Variants in RABGAP1L observed in about 807,000 individuals in gnomAD.
RABGAP1L encodes the protein rab GTPase-activating protein 1-like.
In RABGAP1L, 63 loss-of-function variants were observed where a neutral mutation model predicts 137.7. The observed-to-expected ratio is 0.46, with a 90% CI of 0.37 to 0.56. The LOEUF (loss-of-function observed/expected upper bound fraction) is 0.56, where lower values mean the gene tolerates loss of function less well. Ranked by LOEUF, RABGAP1L falls within the 20% of genes least tolerant of loss-of-function variation. The pLI, the probability that RABGAP1L is intolerant of heterozygous loss-of-function variation, is 0.00. For synonymous variants in RABGAP1L, 431 were observed against 433.7 expected (o/e 0.99, Z 0.08); for missense variants, 1,095 against 1,244.0 (o/e 0.88, Z 1.80).
chr1:174,946,380 C>A (rs1260824843), intron 19 of RABGAP1L, among the ~76,000 whole-genome samples: 1 of 152,160 alleles, frequency 6.6e-6, no homozygotes, highest in Non-Finnish European at 1.5e-5. Flanking sequence ...GGGCATGTTC[C>A]TGTAGTCCCA....
intron 13 of RABGAP1L, among the ~76,000 whole-genome samples, chr1:174,400,319 AG>A (rs1426119987): frequency 1.3e-5 from 2 of 152,068 alleles, no homozygotes; most frequent in Non-Finnish European, 2.9e-5. Flanking sequence ...GCTTCAGAGG[AG>A]GGGGCTATCA....
At chr1:174,447,893 C>T (rs1450150895) in intron 13 of RABGAP1L, among the ~76,000 whole-genome samples, 3 of 121,118 alleles carry the variant, frequency 2.5e-5, no homozygotes, top group Non-Finnish European at 5.2e-5. Flanking sequence ...CCTTACCGCC[C>T]CCCCCCCACC....
chr1:174,336,893 G>A (rs1558143568), intron 11 of RABGAP1L, among the ~76,000 whole-genome samples: 5 of 141,372 alleles, frequency 3.5e-5, no homozygotes, highest in African/African-American at 5.6e-5. Context: ...GTGAGAGAGA[G>A]AGAGAAAGAG....
intron 20 of RABGAP1L, among the ~76,000 whole-genome samples, chr1:174,967,199 T>C (rs965866523): frequency 6.6e-6 from 1 of 151,500 alleles, no homozygotes. Flanking sequence ...GTTCTCACTC[T>C]GTCACCCAGG....
intron 12 of RABGAP1L, among the ~76,000 whole-genome samples, chr1:174,377,602 G>T (rs1203917761): frequency 6.6e-6 from 1 of 152,064 alleles, no homozygotes. Context: ...CACATAAAAA[G>T]ATGCTCAATA....
chr1:174,427,045 G>A (rs2149183271), intron 13 of RABGAP1L, among the ~76,000 whole-genome samples: 2 of 152,076 alleles, frequency 1.3e-5, no homozygotes, highest in South Asian at 4.2e-4. Context: ...GTTTGAAGCT[G>A]GCATGGTGGA....
intron 1 of RABGAP1L, among the ~76,000 whole-genome samples, chr1:174,215,547 A>G (rs1474387783): frequency 6.6e-6 from 1 of 152,226 alleles, no homozygotes; most frequent in Non-Finnish European, 1.5e-5. Context: ...AGATATACAA[A>G]TGGCAAAAAG....
At chr1:174,925,597 G>T (rs2149244604) in intron 19 of RABGAP1L, among the ~76,000 whole-genome samples, 1 of 151,924 alleles carries the variant, frequency 6.6e-6, no homozygotes, top group African/African-American at 2.4e-5. Flanking sequence ...TATGATTTGT[G>T]CTTTTGGTCT....
At chr1:174,936,093 A>G (rs1664754167) in intron 19 of RABGAP1L, among the ~76,000 whole-genome samples, 1 of 152,120 alleles carries the variant, frequency 6.6e-6, no homozygotes, top group South Asian at 2.1e-4. Context: ...TATATCCAGA[A>G]AAAAAGCCAA....
chr1:174,621,123 A>G (rs1672419764), intron 13 of RABGAP1L, among the ~76,000 whole-genome samples: 1 of 152,332 alleles, frequency 6.6e-6, no homozygotes. Flanking sequence ...AGAGAATAAA[A>G]TACCTAGGAA....
intron 11 of RABGAP1L, among the ~76,000 whole-genome samples, chr1:174,307,663 T>G (rs1196994636): frequency 4.6e-5 from 7 of 152,164 alleles, no homozygotes; most frequent in Non-Finnish European, 8.8e-5. Flanking sequence ...TTCATTCCAT[T>G]TTATGACTGA....
chr1:174,638,421 C>A (rs1434777177), intron 14 of RABGAP1L, among the ~76,000 whole-genome samples: 1 of 152,066 alleles, frequency 6.6e-6, no homozygotes, highest in African/African-American at 2.4e-5. Flanking sequence ...AATAGGAACA[C>A]TTTTACACTG....
chr1:174,681,886 G>A (rs547239036), intron 14 of RABGAP1L, among the ~76,000 whole-genome samples: 1 of 152,192 alleles, frequency 6.6e-6, no homozygotes, highest in Admixed American at 6.5e-5. Context: ...TAAATTAAAT[G>A]GAAATCTCCT....
intron 11 of RABGAP1L, chr1:174,367,900 C>T (rs1684788278): frequency 6.5e-6 from 1 of 153,978 alleles, no homozygotes; most frequent in African/African-American, 2.4e-5. Context: ...GAAAATTCTG[C>T]TTTTTTCCTT....
chr1:174,340,861 A>G (rs1467427505), intron 11 of RABGAP1L, among the ~76,000 whole-genome samples: 7 of 152,184 alleles, frequency 4.6e-5, no homozygotes, highest in Non-Finnish European at 8.8e-5. Context: ...GTCTTCCACA[A>G]TGGTTGAAAT....
At chr1:174,214,000 G>A (rs1416514592) in intron 1 of RABGAP1L, among the ~76,000 whole-genome samples, 1 of 152,138 alleles carries the variant, frequency 6.6e-6, no homozygotes, top group Non-Finnish European at 1.5e-5. Context: ...AGAGCTATCA[G>A]ACAAGAGAAA....
chr1:174,658,228 A>T (rs562581917), intron 14 of RABGAP1L, among the ~76,000 whole-genome samples: 3 of 152,258 alleles, frequency 2.0e-5, no homozygotes, highest in African/African-American at 7.2e-5. Context: ...AGTTCTGAAA[A>T]AGTTGATTCT....
intron 7 of RABGAP1L, among the ~76,000 whole-genome samples, chr1:174,258,282 A>T (rs1270866360): frequency 2.0e-5 from 3 of 152,148 alleles, no homozygotes. Context: ...AAAATTCTTA[A>T]CACCTCTGAA....
chr1:174,213,791 C>T (rs546749962), intron 1 of RABGAP1L, among the ~76,000 whole-genome samples: 148 of 152,244 alleles, frequency 9.7e-4, no homozygotes, highest in Non-Finnish European at 1.7e-3. Flanking sequence ...CATTCAACAT[C>T]GCTTCGTGAT....
Sources: gnomAD v4.1 joint callset for allele counts (sites outside exome capture counted in the v4.1 genomes callset) on GRCh38, gnomAD v4.1.1 for gene constraint, MANE v1.5 for transcripts, NCBI Gene and HGNC (gene_info 2026-07-23, HGNC 2026-07-21) for gene names.